SLC60A1: variants seen among roughly 807,000 people sequenced by gnomAD.
The protein encoded by SLC60A1 is major facilitator superfamily domain containing 4.
At chr1:205,590,261 A>G in the SLC60A1 span, among the ~76,000 whole-genome samples, 1 of 152,214 alleles carries the variant, frequency 6.6e-6, no homozygotes, top group African/African-American at 2.4e-5. Context: ...ATCCTGGGCC[A>G]CCCCAACATT....
At chr1:205,591,564 G>A in the SLC60A1 span, among the ~76,000 whole-genome samples, 1 of 151,748 alleles carries the variant, frequency 6.6e-6, no homozygotes, top group South Asian at 2.1e-4. Context: ...ATGGGAATCT[G>A]AGCCAAATCT....
the SLC60A1 span, among the ~76,000 whole-genome samples, chr1:205,574,041 T>G: frequency 1.3e-5 from 2 of 151,960 alleles, no homozygotes; most frequent in Admixed American, 6.6e-5. Context: ...GCTCTAAAGG[T>G]AGATTGTAGT....
the SLC60A1 span, chr1:205,601,955 C>T: frequency 6.6e-6 from 1 of 152,150 alleles, no homozygotes; most frequent in African/African-American, 2.4e-5. Flanking sequence ...TCACAAAAAG[C>T]TGGGCCTACT....
chr1:205,581,802 C>T, the SLC60A1 span, among the ~76,000 whole-genome samples: 1 of 152,160 alleles, frequency 6.6e-6, no homozygotes, highest in Non-Finnish European at 1.5e-5. The surrounding 1 kb of genome is among the most constrained non-coding windows in gnomAD (Gnocchi z 4.2). Flanking sequence ...AGAGCAGCTG[C>T]CCAGCTGCTG....
At chr1:205,580,736 T>A in the SLC60A1 span, 16 of 1,588,238 alleles carry the variant, frequency 1.0e-5, no homozygotes, top group Non-Finnish European at 1.4e-5. This position sits in a 1 kb window ranked among gnomAD's most constrained non-coding sequence, Gnocchi z 5.0. Flanking sequence ...TGAGGCCAAC[T>A]GCTTGCCTGC....
the SLC60A1 span, chr1:205,591,897 G>A: frequency 2.0e-6 from 1 of 490,158 alleles, no homozygotes; most frequent in Admixed American, 3.3e-5. Flanking sequence ...TGTTAGGGGA[G>A]ATGTCTAGGT....
At chr1:205,599,257 GA>G in the SLC60A1 span, 1 of 1,613,620 alleles carries the variant, frequency 6.2e-7, no homozygotes, top group Non-Finnish European at 8.5e-7. Context: ...ATCAGGTAAG[GA>G]AAGTATCTGT....
At chr1:205,579,643 C>T in the SLC60A1 span, 2 of 1,264,868 alleles carry the variant, frequency 1.6e-6, no homozygotes, top group African/African-American at 2.9e-5. Context: ...TCCTTTTCTA[C>T]CAGAGGGGGA....
the SLC60A1 span, among the ~76,000 whole-genome samples, chr1:205,577,513 C>T: frequency 1.3e-5 from 2 of 152,204 alleles, no homozygotes; most frequent in East Asian, 3.9e-4. The surrounding 1 kb of genome is among the most constrained non-coding windows in gnomAD (Gnocchi z 5.2). Flanking sequence ...TGCTAACCCC[C>T]GCAGAGGGGT....
chr1:205,586,012 A>G, the SLC60A1 span: 23 of 1,563,926 alleles, frequency 1.5e-5, no homozygotes, highest in South Asian at 2.0e-4. Context: ...GGTGTGCTCA[A>G]CAGCGCCCGG....
chr1:205,597,556 T>C, the SLC60A1 span: 6 of 413,058 alleles, frequency 1.5e-5, no homozygotes, highest in Non-Finnish European at 2.7e-5. Context: ...GCCCAGTTAA[T>C]TTTTTTAAAT....
chr1:205,591,932 C>A, the SLC60A1 span: 4 of 595,378 alleles, frequency 6.7e-6, no homozygotes, highest in Non-Finnish European at 1.2e-5. Context: ...GCGGGGGTCT[C>A]CTTTCCACGC....
the SLC60A1 span, among the ~76,000 whole-genome samples, chr1:205,571,968 G>T: frequency 6.6e-6 from 1 of 152,194 alleles, no homozygotes; most frequent in Non-Finnish European, 1.5e-5. Context: ...TTTCTCGTGG[G>T]TTCCTACTCA....
At chr1:205,569,191 A>C in the SLC60A1 span, 1 of 1,549,278 alleles carries the variant, frequency 6.5e-7, no homozygotes, top group African/African-American at 1.4e-5. Flanking sequence ...ACGCTGCTGG[A>C]CCTGCGCTGT....
the SLC60A1 span, among the ~76,000 whole-genome samples, chr1:205,572,022 T>G: frequency 6.6e-6 from 1 of 152,186 alleles, no homozygotes; most frequent in Non-Finnish European, 1.5e-5. Flanking sequence ...ACAGGCAGAA[T>G]GGGGCTTGTG....
the SLC60A1 span, among the ~76,000 whole-genome samples, chr1:205,579,235 G>A: frequency 6.6e-6 from 1 of 152,198 alleles, no homozygotes; most frequent in Non-Finnish European, 1.5e-5. Flanking sequence ...CAGGCCGGGT[G>A]CCTGTGAAGC....
chr1:205,578,404 C>T, the SLC60A1 span, among the ~76,000 whole-genome samples: 1 of 152,226 alleles, frequency 6.6e-6, no homozygotes, highest in Non-Finnish European at 1.5e-5. Context: ...ACTCTCCCTC[C>T]ATCTCCTAAC....
At chr1:205,592,902 C>G in the SLC60A1 span, among the ~76,000 whole-genome samples, 3 of 152,186 alleles carry the variant, frequency 2.0e-5, no homozygotes, top group Non-Finnish European at 4.4e-5. Flanking sequence ...ATAGGAAAGG[C>G]ATTTTGTAAG....
the SLC60A1 span, among the ~76,000 whole-genome samples, chr1:205,583,748 C>A: frequency 6.6e-6 from 1 of 152,226 alleles, no homozygotes; most frequent in African/African-American, 2.4e-5. Context: ...GTATGGTGAT[C>A]AGGCAGCAAT....
Sources: gnomAD v4.1 joint callset for allele counts (sites outside exome capture counted in the v4.1 genomes callset) on GRCh38, gnomAD v4.1.1 for gene constraint, Gnocchi (gnomAD v3.1) non-coding constraint, MANE v1.5 for transcripts, NCBI Gene and HGNC (gene_info 2026-07-23, HGNC 2026-07-21) for gene names.